The following DAB2 variants were observed in gnomAD, a reference collection of about 807,000 sequenced individuals.
The protein encoded by DAB2 is disabled homolog 2.
A neutral mutation model predicts 71.6 loss-of-function variants in DAB2; 28 were observed. The observed-to-expected ratio is 0.39, with a 90% CI of 0.29 to 0.54. The LOEUF (loss-of-function observed/expected upper bound fraction) is 0.54. DAB2 is among the 20% of genes least tolerant of loss of function. DAB2 has a pLI of 0.68. For synonymous variants in DAB2, 345 were observed against 339.7 expected (o/e 1.02, Z -0.17); for missense variants, 867 against 928.8 (o/e 0.93, Z 0.86).
Position 39,379,399 on chromosome 5 carries a change from G to A in DAB2, c.1504+2055C>T, listed in dbSNP as rs1754904189. Reference sequence around the variant, plus strand: ...GCAGAGGTTGCAGTGAGCTGAGACAGCACCACTGCACTCCAGCCTGGGTGA... The same window carrying A: ...GCAGAGGTTGCAGTGAGCTGAGACAACACCACTGCACTCCAGCCTGGGTGA... On this transcript the variant is annotated intron_variant, in intron 11 of 14. Coordinates refer to ENST00000320816, the MANE Select transcript of DAB2 (RefSeq NM_001343.4). Among the ~76,000 whole-genome samples, 3 of 125,044 alleles carry A rather than the reference G, an allele frequency of 2.4e-5. No individual in the cohort carries two copies. In the South Asian group the frequency reaches 7.7e-4, roughly 32 times the overall value. The allele number at this position is 125,044 out of a possible 152,430, so 82.0% of individuals were successfully genotyped here.
At chr5:39,419,330 T>C (rs1755920602) in intron 1 of DAB2, among the ~76,000 whole-genome samples, 3 of 152,206 alleles carry the variant, frequency 2.0e-5, no homozygotes. Context: ...CTTCACATAG[T>C]AGGTAATTGC....
intron 9 of DAB2, among the ~76,000 whole-genome samples, chr5:39,384,025 G>A (rs1367992668): frequency 1.3e-5 from 2 of 152,160 alleles, no homozygotes; most frequent in Non-Finnish European, 2.9e-5. Context: ...TATGTCCTCT[G>A]AAAGAGACAC....
chr5:39,389,750 G>C (rs1349365188), intron 6 of DAB2, 102 bp downstream of exon 6: 5 of 652,366 alleles, frequency 7.7e-6, no homozygotes, highest in Non-Finnish European at 1.3e-5. Context: ...GACCTCAGGT[G>C]ATCCACCCAC....
rs1245566491 is a variant in DAB2 at position 39,373,116 on chromosome 5, G to A, written c.*315C>T. Reference sequence around the variant, plus strand: ...GCATCTCCCAACCAGAGGGTAGAAGGCAGGTGTTCTAGAAGGTTCCAGGGA... The same window carrying A: ...GCATCTCCCAACCAGAGGGTAGAAGACAGGTGTTCTAGAAGGTTCCAGGGA... On this transcript the variant is annotated 3_prime_UTR_variant, in exon 15 of 15. Coordinates refer to ENST00000320816, the MANE Select transcript of DAB2 (RefSeq NM_001343.4). 1 of 152,126 alleles carries A rather than the reference G, an allele frequency of 6.6e-6. No homozygotes were observed. Among genetic ancestry groups the A allele is most frequent in the African/African-American group, 2.4e-5 (1 of 41,418 alleles). 9.4% of individuals were successfully genotyped at this position (152,126 alleles called of 1,614,324 possible). A position where few individuals can be genotyped will look rare whatever the true frequency, so the allele number is the denominator to read the frequency against.
At position 39,375,893 on chromosome 5, in the gene DAB2, T is replaced by A. The variant is rs113921225; in HGVS notation, c.2247+104A>T. On this transcript the variant is annotated intron_variant, in intron 13 of 14. Transcript: ENST00000320816. ...AGAGCAAGACTCTGTCTTAAAAAAA[T>A]AAATAAATAAATAAAAGCTATTATA... The A allele has an allele frequency of 2.0e-3, 1,667 of 853,460 alleles. 9 individuals are homozygous for A. The highest frequency in any genetic ancestry group is 0.019 in the African/African-American group (1,084 of 57,300). 52.9% of individuals were successfully genotyped at this position (853,460 alleles called of 1,614,324 possible). A position where few individuals can be genotyped will look rare whatever the true frequency, so the allele number is the denominator to read the frequency against.
At chr5:39,381,644 C>T in intron 10 of DAB2, 28 bp from the exon 11 acceptor site, 2 of 1,612,278 alleles carry the variant, frequency 1.2e-6, no homozygotes, top group South Asian at 1.1e-5. Flanking sequence ...GAGGGAGAAG[C>T]CTTAGTTACT....
intron 7 of DAB2, 55 bp downstream of exon 7, chr5:39,389,042 A>C (rs1387939596): frequency 6.4e-7 from 1 of 1,565,382 alleles, no homozygotes; most frequent in Non-Finnish European, 8.8e-7. Context: ...GGTAGAAAAC[A>C]GGGGCTTACG....
Position 39,372,975 on chromosome 5 carries a change from T to C in DAB2, c.*456A>G, listed in dbSNP as rs1451716675. ...GCAAGATTTCTTTTAAGAAGGTGCC[T>C]TGTTCTACTATAACCTTTAGGTTTT... On this transcript the variant is annotated 3_prime_UTR_variant, in exon 15 of 15. Coordinates refer to ENST00000320816, the MANE Select transcript of DAB2 (RefSeq NM_001343.4). The C allele has an allele frequency of 1.3e-5, 2 of 152,166 alleles. No homozygotes were observed. Among genetic ancestry groups the C allele is most frequent in the African/African-American group, 4.8e-5 (2 of 41,452 alleles). 9.4% of individuals were successfully genotyped at this position (152,166 alleles called of 1,614,324 possible).
In DAB2 at chr5:39,377,266, T is replaced by C. The variant is rs778343774; in HGVS notation, c.1521A>G (p.Thr507=). The change falls in exon 12 of 15, where the codon ACA becomes ACG. Residue 507 remains threonine, a synonymous_variant. Transcript: ENST00000320816. ...PLVGLGGVTV[T]LPQAGPWNTA... ...TGTTCCATGGTCCTGCCTGAGGGAGTGTGACAGTTACACCACCTGAAGTAA... is the reference window on the plus strand; with the variant it reads ...TGTTCCATGGTCCTGCCTGAGGGAGCGTGACAGTTACACCACCTGAAGTAA... 4.3e-6 allele frequency: 7 copies of C among 1,611,610 alleles called. No homozygotes were observed. Among genetic ancestry groups the C allele is most frequent in the Non-Finnish European group, 5.9e-6 (7 of 1,178,792 alleles).
At chr5:39,380,153 A>G (rs1411342540) in intron 11 of DAB2, among the ~76,000 whole-genome samples, 1 of 152,198 alleles carries the variant, frequency 6.6e-6, no homozygotes, top group Admixed American at 6.5e-5. Flanking sequence ...AGAGCAACGC[A>G]GAAAGGGGGA....
chr5:39,389,958 CCGTATTTTAATTTT>C, intron 5 of DAB2, 26 bp from the exon 6 acceptor site: 1 of 1,453,712 alleles, frequency 6.9e-7, no homozygotes. Context: ...GCACTGTTAT[CCGTATTTTAATTTT>C]AGTATTTTAT....
At chr5:39,373,679 C>G (rs1043161796) in intron 14 of DAB2, among the ~76,000 whole-genome samples, 2 of 152,124 alleles carry the variant, frequency 1.3e-5, no homozygotes, top group African/African-American at 4.8e-5. Context: ...CTAAACTATC[C>G]TTCCTTCATG....
rs1755281245 is a variant in DAB2, at chr5:39,393,337, AT to A, written c.147del (p.Lys49AsnfsTer6). 1 of 1,613,820 alleles carries A rather than the reference AT, an allele frequency of 6.2e-7. No individual in the cohort carries two copies. The highest frequency in any genetic ancestry group is 1.7e-5 in the Admixed American group (1 of 59,976). On this transcript the variant is annotated frameshift_variant, in exon 3 of 15. Transcript: ENST00000320816. LOFTEE classifies it high-confidence loss of function. ...TCAATGCCAATCAGCTTGGCCTTAT[AT>A]TTTACACCATCGCCTTTGAACCTTG... ...LLARFKGDGV[K>X]YKAKLIGIDD...
intron 1 of DAB2, among the ~76,000 whole-genome samples, chr5:39,398,663 C>G (rs1341949713): frequency 6.6e-6 from 1 of 152,022 alleles, no homozygotes; most frequent in East Asian, 1.9e-4. Flanking sequence ...CTTACAGGCC[C>G]CAAGACTACA....
intron 9 of DAB2, among the ~76,000 whole-genome samples, chr5:39,386,939 A>T (rs1408055783): frequency 6.6e-6 from 1 of 152,240 alleles, no homozygotes; most frequent in Non-Finnish European, 1.5e-5. Context: ...TAGTACTTTA[A>T]AAAGTTTATC....
At chr5:39,402,923 G>A (rs749205215) in intron 1 of DAB2, among the ~76,000 whole-genome samples, 1 of 152,096 alleles carries the variant, frequency 6.6e-6, no homozygotes, top group African/African-American at 2.4e-5. Context: ...TCATTATCAC[G>A]GACAGTTTAG....
intron 6 of DAB2, 91 bp from the exon 7 acceptor site, chr5:39,389,214 TA>T: frequency 1.0e-6 from 1 of 963,366 alleles, no homozygotes; most frequent in East Asian, 2.4e-5. Context: ...TTCACAGGCA[TA>T]AGGCAAGAAT....
chr5:39,383,990 C>T (rs1755040694), intron 9 of DAB2, among the ~76,000 whole-genome samples: 1 of 152,206 alleles, frequency 6.6e-6, no homozygotes, highest in Non-Finnish European at 1.5e-5. Flanking sequence ...ATCCCAGTCT[C>T]TCCTCTGGGC....
chr5:39,414,722 G>A (rs557865846), intron 1 of DAB2, among the ~76,000 whole-genome samples: 184 of 151,544 alleles, frequency 1.2e-3, no homozygotes, highest in Middle Eastern at 3.4e-3. Flanking sequence ...AAAGGGGGGG[G>A]GGTGGTCAGA....
Sources: gnomAD v4.1 joint callset for allele counts (sites outside exome capture counted in the v4.1 genomes callset) on GRCh38, gnomAD v4.1.1 for gene constraint, MANE v1.5 for transcripts, NCBI Gene and HGNC (gene_info 2026-07-23, HGNC 2026-07-21) for gene names.